Variants in PPP1R14C observed in about 807,000 individuals in gnomAD.
The protein encoded by PPP1R14C is protein phosphatase 1 regulatory inhibitor subunit 14C, also known as protein phosphatase 1 regulatory subunit 14C.
In PPP1R14C, 16 loss-of-function variants were observed where a neutral mutation model predicts 20.4. The ratio of observed to expected loss-of-function variants is 0.78; its 90% CI spans 0.53 to 1.19. The LOEUF is 1.19. Ranked by LOEUF, PPP1R14C falls within the 50% of genes most tolerant of loss-of-function variation. The pLI is 0.00. For missense variants in PPP1R14C, 211 were observed against 220.1 expected, an observed-to-expected ratio of 0.96 and a Z score of 0.26; for synonymous variants, 91 against 91.0, an observed-to-expected ratio of 1.00 and a Z score of 0.00.
chr6:150,219,059 A>G (rs556679256), intron 3 of PPP1R14C, among the ~76,000 whole-genome samples: 1 of 151,964 alleles, frequency 6.6e-6, no homozygotes, highest in Non-Finnish European at 1.5e-5. Context: ...CTTTTCATCT[A>G]TACCCTCATC....
intron 1 of PPP1R14C, among the ~76,000 whole-genome samples, chr6:150,162,244 G>A (rs540692709): frequency 4.0e-4 from 61 of 152,168 alleles, no homozygotes; most frequent in Non-Finnish European, 8.4e-4. Flanking sequence ...TAGTAGAGAC[G>A]GGGTTTCGCC....
chr6:150,209,153 T>A (rs1352153122), intron 1 of PPP1R14C, among the ~76,000 whole-genome samples: 1 of 152,158 alleles, frequency 6.6e-6, no homozygotes, highest in East Asian at 1.9e-4. Flanking sequence ...AGGAGTTTAA[T>A]CCCGTGTTAC....
At chr6:150,188,914 A>G (rs983026181) in intron 1 of PPP1R14C, among the ~76,000 whole-genome samples, 1 of 151,332 alleles carries the variant, frequency 6.6e-6, no homozygotes, top group East Asian at 1.9e-4. Context: ...GCTGGAGTGC[A>G]ATGGCATGAT....
chr6:150,160,463 T>C (rs1304557133), intron 1 of PPP1R14C, among the ~76,000 whole-genome samples: 2 of 149,836 alleles, frequency 1.3e-5, no homozygotes, highest in African/African-American at 2.5e-5. Flanking sequence ...TTAGTAGAGA[T>C]GGGGTTTCAC....
chr6:150,190,859 C>A (rs906655612), intron 1 of PPP1R14C, among the ~76,000 whole-genome samples: 3 of 152,144 alleles, frequency 2.0e-5, no homozygotes, highest in African/African-American at 7.2e-5. Flanking sequence ...CAGCCCCTAC[C>A]TGCCCTCCCT....
At chr6:150,174,388 C>A (rs1777534971) in intron 1 of PPP1R14C, among the ~76,000 whole-genome samples, 1 of 151,376 alleles carries the variant, frequency 6.6e-6, no homozygotes, top group African/African-American at 2.4e-5. Flanking sequence ...CCCAGGTAAT[C>A]TGTATTTTTA....
chr6:150,231,166 CT>C, intron 3 of PPP1R14C, among the ~76,000 whole-genome samples: 1 of 152,116 alleles, frequency 6.6e-6, no homozygotes, highest in East Asian at 1.9e-4. Context: ...GAGAAAGGAC[CT>C]TGTGTTTTCA....
intron 1 of PPP1R14C, among the ~76,000 whole-genome samples, chr6:150,203,079 G>A (rs71570209): frequency 4.9e-4 from 75 of 152,188 alleles, no homozygotes; most frequent in Non-Finnish European, 7.8e-4. Flanking sequence ...TCTTTGTGTT[G>A]TACATCCTGT....
chr6:150,196,145 T>C (rs1484447489), intron 1 of PPP1R14C: 2 of 983,778 alleles, frequency 2.0e-6, no homozygotes, highest in African/African-American at 1.7e-5. Context: ...CAATACACTG[T>C]TGTTAAGCCT....
intron 1 of PPP1R14C, among the ~76,000 whole-genome samples, chr6:150,158,092 A>G (rs1003525032): frequency 1.3e-5 from 2 of 152,146 alleles, no homozygotes; most frequent in Non-Finnish European, 2.9e-5. Context: ...TACTTGGCTA[A>G]CTTTAATTTC....
At chr6:150,186,607 G>C (rs1777679048) in intron 1 of PPP1R14C, among the ~76,000 whole-genome samples, 1 of 152,210 alleles carries the variant, frequency 6.6e-6, no homozygotes, top group Non-Finnish European at 1.5e-5. Flanking sequence ...GGGCTCCAGA[G>C]TGGTTGATAA....
rs937817483 is a variant in PPP1R14C, at chr6:150,143,117, C to G, written c.-76C>G. The G allele has an allele frequency of 6.9e-6, 8 of 1,166,790 alleles. No individual in the cohort carries two copies. The highest frequency in any genetic ancestry group is 4.4e-5 in the East Asian group (1 of 22,762). 72.3% of individuals were successfully genotyped at this position (1,166,790 alleles called of 1,614,324 possible). On this transcript the variant is annotated 5_prime_UTR_variant, in exon 1 of 4. Transcript: ENST00000361131. This position sits in a 1 kb window ranked among gnomAD's most constrained non-coding sequence, Gnocchi z 5.6. ...AGCCCTTCGCATGCGGCTGCCGGGCCGGAGGTGGTAGCGGCGCCGGGCGCG... is the reference window on the plus strand; with the variant it reads ...AGCCCTTCGCATGCGGCTGCCGGGCGGGAGGTGGTAGCGGCGCCGGGCGCG...
chr6:150,223,822 G>A (rs990108805), intron 3 of PPP1R14C, among the ~76,000 whole-genome samples: 1 of 151,872 alleles, frequency 6.6e-6, no homozygotes, highest in African/African-American at 2.4e-5. Flanking sequence ...CTCTTGACAG[G>A]GTGTTTCACA....
intron 1 of PPP1R14C, among the ~76,000 whole-genome samples, chr6:150,169,664 C>G (rs559702104): frequency 6.6e-6 from 1 of 152,104 alleles, no homozygotes; most frequent in African/African-American, 2.4e-5. Context: ...CTGATGAAAT[C>G]GAACATGAAA....
intron 1 of PPP1R14C, among the ~76,000 whole-genome samples, chr6:150,170,539 G>A (rs1218317990): frequency 1.3e-5 from 2 of 152,016 alleles, no homozygotes; most frequent in Admixed American, 6.6e-5. Context: ...AGCCAGGATG[G>A]TCTTGATCTC....
rs542560754 is a variant in PPP1R14C at position 150,230,550 on chromosome 6, T to G, written c.423+13694T>G. The stretch of plus-strand genomic sequence containing the variant: ...TGCGTAGGGAATGGATGGGTCTTTT[T>G]TTGTTGTTGTTGTTGTTTGTTTGTC... On this transcript the variant is annotated intron_variant, in intron 3 of 3. Transcript: ENST00000361131. Among the ~76,000 whole-genome samples, 92 of 152,228 alleles carry G rather than the reference T, an allele frequency of 6.0e-4. 1 individual carries two copies. Among genetic ancestry groups the G allele is most frequent in the Middle Eastern group, 3.4e-3 (1 of 294 alleles).
chr6:150,191,079 A>C (rs1163961801), intron 1 of PPP1R14C, among the ~76,000 whole-genome samples: 1 of 151,950 alleles, frequency 6.6e-6, no homozygotes, highest in Non-Finnish European at 1.5e-5. Flanking sequence ...CTTGGTCCTC[A>C]CATGTTTTCT....
intron 1 of PPP1R14C, among the ~76,000 whole-genome samples, chr6:150,182,252 C>A (rs1777630326): frequency 6.6e-6 from 1 of 152,190 alleles, no homozygotes; most frequent in African/African-American, 2.4e-5. Context: ...AAGCTGTGTA[C>A]CGTGAGACAA....
At chr6:150,186,791 A>G (rs1417977852) in intron 1 of PPP1R14C, among the ~76,000 whole-genome samples, 2 of 152,098 alleles carry the variant, frequency 1.3e-5, no homozygotes, top group Non-Finnish European at 1.5e-5. Context: ...GAGAAAGTTC[A>G]GGAAATGGAT....
Sources: allele counts gnomAD v4.1 joint callset (sites outside exome capture counted in the v4.1 genomes callset), GRCh38; gene constraint gnomAD v4.1.1; non-coding constraint Gnocchi (gnomAD v3.1); transcripts MANE v1.5; gene names NCBI Gene and HGNC (gene_info 2026-07-23, HGNC 2026-07-21).